The following ZNF385C variants were observed in gnomAD, a reference collection of about 807,000 sequenced individuals.
ZNF385C encodes the protein CTD-2132N18.2.
Under a neutral mutation model 35.4 loss-of-function variants are expected in ZNF385C, and 28 were observed. That is an observed-to-expected ratio of 0.79 (90% CI 0.59 to 1.08). The LOEUF (loss-of-function observed/expected upper bound fraction) is 1.08. Among genes scored for constraint, ZNF385C ranks in the 50% least tolerant of loss-of-function variants. ZNF385C has a pLI of 0.00. For synonymous variants in ZNF385C, 248 were observed against 248.2 expected (o/e 1.00, Z 0.01); for missense variants, 605 against 595.6 (o/e 1.02, Z -0.16).
At chr17:42,089,243 G>A (rs1236283701) in intron 1 of ZNF385C, among the ~76,000 whole-genome samples, 1 of 152,080 alleles carries the variant, frequency 6.6e-6, no homozygotes, top group African/African-American at 2.4e-5. Flanking sequence ...TTGAACCTGG[G>A]AGGTCGAGGC....
chr17:42,034,366 CTG>C (rs2052794847), intron 3 of ZNF385C, 31 bp from the exon 4 acceptor site: 1 of 1,523,592 alleles, frequency 6.6e-7, no homozygotes. Flanking sequence ...CATAATAACT[CTG>C]GGGTTGGCTT....
intron 2 of ZNF385C, among the ~76,000 whole-genome samples, chr17:42,054,410 CTG>C (rs2053338636): frequency 6.6e-6 from 1 of 152,162 alleles, no homozygotes; most frequent in Admixed American, 6.6e-5. Context: ...GAAGAGGAAA[CTG>C]AGCCTCAGAG....
At chr17:42,033,976 T>C (rs1259343713) in intron 4 of ZNF385C, among the ~76,000 whole-genome samples, 1 of 151,756 alleles carries the variant, frequency 6.6e-6, no homozygotes, top group Non-Finnish European at 1.5e-5. Context: ...GAGAGAGGCC[T>C]GGGGGGAAGG....
chr17:42,083,411 G>GTT (rs1347688978), intron 1 of ZNF385C, among the ~76,000 whole-genome samples: 1 of 151,762 alleles, frequency 6.6e-6, no homozygotes, highest in Non-Finnish European at 1.5e-5. Flanking sequence ...CACCATGTTA[G>GTT]TTAGCCAGGA....
intron 2 of ZNF385C, chr17:42,039,617 C>A: frequency 8.6e-7 from 1 of 1,158,148 alleles, no homozygotes; most frequent in Non-Finnish European, 1.1e-6. Flanking sequence ...GTCAGCAGAT[C>A]ATCTTGGGTG....
rs1178923655 is a variant in ZNF385C at position 42,073,172 on chromosome 17, C to T, written c.-2-10114G>A. Among the ~76,000 whole-genome samples, 4 of 152,188 alleles carry T rather than the reference C, an allele frequency of 2.6e-5. No individual in the cohort carries two copies. In the South Asian group the frequency reaches 6.2e-4, roughly 24 times the overall value. On this transcript the variant is annotated intron_variant, in intron 1 of 8. Transcript: ENST00000692273. Reference sequence around the variant, plus strand: ...GGGGACTTAGGTAGGCACGGTGGCTCACGCCTGTAATCCCAGCACTTTGGG... The same window carrying T: ...GGGGACTTAGGTAGGCACGGTGGCTTACGCCTGTAATCCCAGCACTTTGGG...
chr17:42,076,515 A>G (rs1402668073), intron 1 of ZNF385C, among the ~76,000 whole-genome samples: 1 of 151,954 alleles, frequency 6.6e-6, no homozygotes, highest in Non-Finnish European at 1.5e-5. Context: ...CCAGCTACTC[A>G]GGAGGCTGAG....
At chr17:42,077,959 A>G (rs1042948855) in intron 1 of ZNF385C, among the ~76,000 whole-genome samples, 4 of 152,052 alleles carry the variant, frequency 2.6e-5, no homozygotes, top group African/African-American at 9.7e-5. Context: ...CCTGAAATCA[A>G]ATCCCCATCC....
intron 3 of ZNF385C, among the ~76,000 whole-genome samples, chr17:42,036,098 G>A (rs1555655414): frequency 2.0e-5 from 3 of 152,078 alleles, no homozygotes; most frequent in African/African-American, 7.2e-5. Context: ...GGGCTCAAGC[G>A]ATTCTCCTGC....
rs2052796218 is a variant in ZNF385C, at chr17:42,034,413, A to T, written c.400-78T>A. The T allele has an allele frequency of 2.3e-5, 22 of 964,548 alleles. No individual in the cohort carries two copies. The South Asian group carries it at 3.3e-4, about 15-fold the overall frequency. 59.7% of individuals were successfully genotyped at this position (964,548 alleles called of 1,614,324 possible). On this transcript the variant is annotated intron_variant, in intron 3 of 8. Transcript: ENST00000692273. ...GGGTCGGGGGCAGCACAAAATGCCCAAAACTAAAGATGACTGAAGAGGGCC... is the reference window on the plus strand; with the variant it reads ...GGGTCGGGGGCAGCACAAAATGCCCTAAACTAAAGATGACTGAAGAGGGCC...
At chr17:42,092,580 T>C (rs888829600) in intron 1 of ZNF385C, among the ~76,000 whole-genome samples, 4 of 152,194 alleles carry the variant, frequency 2.6e-5, no homozygotes, top group African/African-American at 9.7e-5. Flanking sequence ...ATTATTCCTC[T>C]GCTAAAGTCT....
intron 2 of ZNF385C, chr17:42,038,108 A>G (rs1340052039): frequency 3.9e-6 from 6 of 1,523,942 alleles, no homozygotes; most frequent in Middle Eastern, 1.9e-4. Context: ...TGAGGCTCCC[A>G]GCCCAGAGGG....
At chr17:42,040,359 TG>T (rs1416360255) in intron 2 of ZNF385C, 35 of 1,231,688 alleles carry the variant, frequency 2.8e-5, no homozygotes, top group Non-Finnish European at 3.4e-5. Context: ...GGTCCATGGA[TG>T]CCAGTTCCTG....
At chr17:42,077,151 G>T (rs538510382) in intron 1 of ZNF385C, among the ~76,000 whole-genome samples, 1 of 152,324 alleles carries the variant, frequency 6.6e-6, no homozygotes, top group African/African-American at 2.4e-5. Context: ...TTTGAGGAAT[G>T]AACCAACTCT....
Position 42,042,721 on chromosome 17 carries a change from T to C in ZNF385C, c.251-4836A>G, listed in dbSNP as rs1555656254. 41 of 762,472 alleles carry C rather than the reference T, an allele frequency of 5.4e-5. No homozygotes were observed. The East Asian group carries it at 1.4e-3, about 25-fold the overall frequency. The allele number at this position is 762,472 out of a possible 1,614,324, so 47.2% of individuals were successfully genotyped here. A position where few individuals can be genotyped will look rare whatever the true frequency, so the allele number is the denominator to read the frequency against. On this transcript the variant is annotated intron_variant, in intron 2 of 8. Transcript: ENST00000692273. ...GGGAAGGTTCTGAAGGGTGAAGATA[T>C]GAATGAAATGCCCTAGCTGCTCCCC...
chr17:42,070,034 C>T (rs951825836), intron 1 of ZNF385C, among the ~76,000 whole-genome samples: 3 of 145,802 alleles, frequency 2.1e-5, no homozygotes, highest in East Asian at 2.1e-4. Context: ...AATGAAACTC[C>T]GTCTCAAAAA....
chr17:42,029,012 G>A lies in ZNF385C; in HGVS notation c.738C>T (p.Cys246=). The part of the protein sequence containing the change: ...LQPPPTPDPT[C]REPAHSELLD... ...AGAGCTCTGAGTGGGCTGGCTCCCTGCATGTAGGGTCTGGAGTTGGTGGTG... is the reference window on the plus strand; with the variant it reads ...AGAGCTCTGAGTGGGCTGGCTCCCTACATGTAGGGTCTGGAGTTGGTGGTG... The change falls in exon 6 of 9, where the codon TGC becomes TGT. Residue 246 remains cysteine (C), a synonymous_variant. Coordinates refer to ENST00000692273, the MANE Select transcript of ZNF385C (RefSeq NM_001392013.1). 6.4e-7 allele frequency: 1 copy of A among 1,550,456 alleles called. No individual in the cohort carries two copies. Among genetic ancestry groups the A allele is most frequent in the Middle Eastern group, 1.7e-4 (1 of 5,988 alleles).
At chr17:42,029,655 A>G (rs1386667814) in intron 5 of ZNF385C, among the ~76,000 whole-genome samples, 2 of 151,870 alleles carry the variant, frequency 1.3e-5, no homozygotes, top group Non-Finnish European at 2.9e-5. Flanking sequence ...TGGAGGTTAC[A>G]GTGAACTGAG....
chr17:42,063,776 C>T (rs908740338), intron 1 of ZNF385C, among the ~76,000 whole-genome samples: 2 of 152,156 alleles, frequency 1.3e-5, no homozygotes, highest in African/African-American at 2.4e-5. Flanking sequence ...CTACAGCAAG[C>T]GCTGGCAATC....
Sources: gnomAD v4.1 joint callset for allele counts (sites outside exome capture counted in the v4.1 genomes callset) on GRCh38, gnomAD v4.1.1 for gene constraint, MANE v1.5 for transcripts, NCBI Gene and HGNC (gene_info 2026-07-23, HGNC 2026-07-21) for gene names.